FRMD4B: variants seen among roughly 807,000 people sequenced by gnomAD.
The protein encoded by FRMD4B is FERM domain-containing protein 4B.
FRMD4B carries 74 observed loss-of-function variants against 141.5 expected under a neutral mutation model. The observed-to-expected ratio is 0.52, with a 90% CI of 0.43 to 0.63. The LOEUF is 0.63. Among genes scored for constraint, FRMD4B ranks in the 30% least tolerant of loss-of-function variants. The probability of loss-of-function intolerance (pLI) is 0.00; values close to 1 mark genes in which losing one functional copy is unlikely to be tolerated. For missense variants in FRMD4B, 1,366 were observed against 1,253.4 expected, an observed-to-expected ratio of 1.09 and a Z score of -1.36; for synonymous variants, 506 against 467.9, an observed-to-expected ratio of 1.08 and a Z score of -1.05.
intron 1 of FRMD4B, among the ~76,000 whole-genome samples, chr3:69,512,447 A>G (rs1353845261): frequency 6.6e-6 from 1 of 152,198 alleles, no homozygotes; most frequent in Non-Finnish European, 1.5e-5. Flanking sequence ...TGAAAATACA[A>G]TGGTTTAATT....
intron 5 of FRMD4B, among the ~76,000 whole-genome samples, chr3:69,272,490 C>G (rs1483591915): frequency 6.6e-6 from 1 of 152,166 alleles, no homozygotes; most frequent in African/African-American, 2.4e-5. Context: ...GAATTTACAG[C>G]TTACAACATT....
chr3:69,197,267 A>G (rs909266191), intron 12 of FRMD4B, among the ~76,000 whole-genome samples: 1 of 152,308 alleles, frequency 6.6e-6, no homozygotes, highest in Non-Finnish European at 1.5e-5. Context: ...ACACATACAC[A>G]TGAACTCAAA....
At chr3:69,349,228 T>C (rs1703051678) in intron 1 of FRMD4B, among the ~76,000 whole-genome samples, 1 of 152,104 alleles carries the variant, frequency 6.6e-6, no homozygotes, top group Non-Finnish European at 1.5e-5. Flanking sequence ...TCACAATTGC[T>C]TCAAAGGGAA....
intron 2 of FRMD4B, among the ~76,000 whole-genome samples, chr3:69,424,026 T>C (rs1031531544): frequency 6.6e-6 from 1 of 152,150 alleles, no homozygotes; most frequent in African/African-American, 2.4e-5. Context: ...AAAAAAATAA[T>C]GTCTTAGATA....
intron 11 of FRMD4B, among the ~76,000 whole-genome samples, chr3:69,205,167 C>CG (rs1332233576): frequency 6.6e-6 from 1 of 151,318 alleles, no homozygotes; most frequent in African/African-American, 2.4e-5. Flanking sequence ...CTGAGTCCCC[C>CG]CCCTTTTTTT....
intron 1 of FRMD4B, among the ~76,000 whole-genome samples, chr3:69,508,348 T>C (rs576139080): frequency 6.6e-6 from 1 of 152,342 alleles, no homozygotes; most frequent in Admixed American, 6.5e-5. Context: ...TGATGATGTC[T>C]TCCACTTTTA....
intron 1 of FRMD4B, among the ~76,000 whole-genome samples, chr3:69,383,927 A>C (rs763746048): frequency 1.3e-5 from 2 of 150,272 alleles, no homozygotes; most frequent in Non-Finnish European, 3.0e-5. Flanking sequence ...TGTACAATTG[A>C]TTAAAGTTAA....
intron 4 of FRMD4B, among the ~76,000 whole-genome samples, chr3:69,298,074 C>T (rs983061125): frequency 6.6e-6 from 1 of 152,156 alleles, no homozygotes; most frequent in Non-Finnish European, 1.5e-5. Flanking sequence ...ATTAACCCTT[C>T]AAATCTGTAG....
intron 1 of FRMD4B, chr3:69,336,642 A>G (rs960256314): frequency 6.6e-6 from 1 of 152,470 alleles, no homozygotes; most frequent in Non-Finnish European, 1.5e-5. Context: ...TGAGGATCAA[A>G]TGAGTGAATA....
chr3:69,460,568 T>G (rs528395852), intron 1 of FRMD4B, among the ~76,000 whole-genome samples: 154 of 152,342 alleles, frequency 1.0e-3, no homozygotes, highest in African/African-American at 3.7e-3. Flanking sequence ...AAATATAGTT[T>G]GTTTTTGGCT....
At chr3:69,333,704 C>A (rs891943142) in intron 1 of FRMD4B, among the ~76,000 whole-genome samples, 1 of 152,118 alleles carries the variant, frequency 6.6e-6, no homozygotes, top group African/African-American at 2.4e-5. Context: ...ATAAAATACC[C>A]AATTTCCATC....
At chr3:69,235,817 A>G (rs2093342053) in intron 7 of FRMD4B, among the ~76,000 whole-genome samples, 1 of 152,232 alleles carries the variant, frequency 6.6e-6, no homozygotes, top group African/African-American at 2.4e-5. Flanking sequence ...ATATGAAAAC[A>G]GAGTTAAGGG....
At chr3:69,239,759 C>T (rs758088913) in intron 7 of FRMD4B, among the ~76,000 whole-genome samples, 6 of 151,876 alleles carry the variant, frequency 4.0e-5, no homozygotes, top group African/African-American at 4.8e-5. Flanking sequence ...GGAGATTGGC[C>T]GTACAACATA....
chr3:69,532,449 C>T (rs193052643), intron 1 of FRMD4B, among the ~76,000 whole-genome samples: 3 of 152,304 alleles, frequency 2.0e-5, no homozygotes, highest in African/African-American at 7.2e-5. Context: ...AGGGTGCACA[C>T]TTCTGGTTGT....
At chr3:69,536,267 A>G in intron 1 of FRMD4B, 1 of 616,036 alleles carries the variant, frequency 1.6e-6, no homozygotes. Flanking sequence ...TCTCCTGGGG[A>G]CCATCAGGGG....
chr3:69,210,382 C>A (rs2093063700), intron 11 of FRMD4B, among the ~76,000 whole-genome samples: 1 of 151,566 alleles, frequency 6.6e-6, no homozygotes, highest in South Asian at 2.1e-4. Flanking sequence ...CCTTGAAATA[C>A]TGAACAATAA....
chr3:69,284,042 G>A (rs1421537127), intron 5 of FRMD4B, among the ~76,000 whole-genome samples: 3 of 151,540 alleles, frequency 2.0e-5, no homozygotes, highest in Non-Finnish European at 2.9e-5. Context: ...ATCCAGCAAC[G>A]AAGATAGTGA....
chr3:69,380,710 A>AC (rs1298590031), intron 1 of FRMD4B, among the ~76,000 whole-genome samples: 1 of 152,108 alleles, frequency 6.6e-6, no homozygotes, highest in Non-Finnish European at 1.5e-5. Flanking sequence ...AGGGGAGCTG[A>AC]CCCAGCCTCT....
intron 1 of FRMD4B, among the ~76,000 whole-genome samples, chr3:69,460,565 G>A (rs1468631704): frequency 1.3e-5 from 2 of 152,160 alleles, no homozygotes; most frequent in African/African-American, 2.4e-5. Flanking sequence ...TTAAAATATA[G>A]TTTGTTTTTG....
Sources: gnomAD v4.1 joint callset for allele counts (sites outside exome capture counted in the v4.1 genomes callset) on GRCh38, gnomAD v4.1.1 for gene constraint, MANE v1.5 for transcripts, NCBI Gene and HGNC (gene_info 2026-07-23, HGNC 2026-07-21) for gene names.